The following DMAC2 variants were observed in gnomAD, a reference collection of about 807,000 sequenced individuals.
The protein encoded by DMAC2 is distal membrane-arm assembly complex protein 2.
A neutral mutation model predicts 29.6 loss-of-function variants in DMAC2; 32 were observed. The observed-to-expected ratio is 1.08, with a 90% confidence interval of 0.81 to 1.45. DMAC2 has a LOEUF of 1.45. DMAC2 is among the 40% of genes most tolerant of loss of function. The probability of loss-of-function intolerance (pLI) is 0.00; values close to 1 mark genes in which losing one functional copy is unlikely to be tolerated. For missense variants in DMAC2, 319 were observed against 340.0 expected, an observed-to-expected ratio of 0.94 and a Z score of 0.49; for synonymous variants, 133 against 137.4, an observed-to-expected ratio of 0.97 and a Z score of 0.23.
At chr19:41,434,603 G>C (rs141208984) in intron 3 of DMAC2, among the ~76,000 whole-genome samples, 3 of 152,136 alleles carry the variant, frequency 2.0e-5, no homozygotes, top group African/African-American at 7.2e-5. Context: ...TGGAGGGGTA[G>C]ATGAAGTCTA....
At chr19:41,436,848 G>C (rs561723058) in intron 2 of DMAC2, among the ~76,000 whole-genome samples, 42 of 152,288 alleles carry the variant, frequency 2.8e-4, no homozygotes, top group African/African-American at 1.0e-3. Flanking sequence ...CTGAGTTTGG[G>C]TGTTAATTGG....
Position 41,432,352 on chromosome 19 carries a change from G to A in DMAC2, c.653C>T (p.Thr218Ile), listed in dbSNP as rs138402902. The A allele has an allele frequency of 1.9e-4, 314 of 1,614,176 alleles. No homozygotes were observed. In the African/African-American group the frequency reaches 3.8e-3, roughly 19 times the overall value. Reference protein sequence around the residue: ...DLPAVSNPGLTQILVEEMLPN... With the variant: ...DLPAVSNPGLIQILVEEMLPN... ...CAGCATCTCCTCCACCAATATCTGA[G>A]TGAGGCCAGGGTTGGACACGGCAGG... The change falls in exon 6 of 6, where the codon ACT (threonine) becomes ATT (isoleucine). Residue 218 changes from threonine to isoleucine, a missense_variant. Transcript: ENST00000221943.
intron 5 of DMAC2, 92 bp from the exon 6 acceptor site, chr19:41,432,500 G>A: frequency 7.7e-7 from 1 of 1,293,090 alleles, no homozygotes; most frequent in Non-Finnish European, 1.1e-6. Flanking sequence ...GTGTGTGTGT[G>A]TGTATAGGCA....
At position 41,432,071 on chromosome 19, in the gene DMAC2, G is replaced by T. The variant is rs540396797; in HGVS notation, c.*160C>A. On this transcript the variant is annotated 3_prime_UTR_variant, in exon 6 of 6. Transcript: ENST00000221943. ...GTGACCTTTAGCCAAGGGCAGCCAGGAATAAATACTGGGAACTCACGCTCT... is the reference window on the plus strand; with the variant it reads ...GTGACCTTTAGCCAAGGGCAGCCAGTAATAAATACTGGGAACTCACGCTCT... 1.8e-5 allele frequency: 14 copies of T among 795,530 alleles called. No individual in the cohort carries two copies. In the African/African-American group the frequency reaches 2.4e-4, roughly 14 times the overall value. The allele number at this position is 795,530 out of a possible 1,614,324, so 49.3% of individuals were successfully genotyped here.
At chr19:41,438,114 G>A in intron 2 of DMAC2, 104 bp downstream of exon 2, 1 of 1,073,492 alleles carries the variant, frequency 9.3e-7, no homozygotes, top group East Asian at 2.4e-5. Context: ...GAGACATCAA[G>A]GCTGGCACTG....
Position 41,431,851 on chromosome 19 carries a change from T to C in DMAC2, c.*380A>G, listed in dbSNP as rs1305800032. 5 of 272,934 alleles carry C rather than the reference T, an allele frequency of 1.8e-5. No homozygotes were observed. Among genetic ancestry groups the C allele is most frequent in the Admixed American group, 4.9e-5 (1 of 20,266 alleles). 16.9% of individuals were successfully genotyped at this position (272,934 alleles called of 1,614,324 possible). On this transcript the variant is annotated 3_prime_UTR_variant, in exon 6 of 6. Coordinates refer to ENST00000221943, the MANE Select transcript of DMAC2 (RefSeq NM_018035.3). ...CCTGCACGGGGGAGAACCATCCCTG[T>C]AAAGTGTCAGTAGTAGCCCCTGTGT...
At position 41,433,690 on chromosome 19, in the gene DMAC2, G is replaced by C; in HGVS notation, c.297-17C>G. The C allele has an allele frequency of 6.2e-7, 1 of 1,614,100 alleles. No homozygotes were observed. Among genetic ancestry groups the C allele is most frequent in the Non-Finnish European group, 8.5e-7 (1 of 1,179,926 alleles). On this transcript the variant is annotated splice_polypyrimidine_tract_variant and intron_variant, in intron 3 of 5. Transcript: ENST00000221943. ...TCTCGAAACCTGGAAACGGGAAAGG[G>C]AGTGTCAGCAGGGCACCTGAACCTG...
intron 3 of DMAC2, among the ~76,000 whole-genome samples, chr19:41,434,984 C>A (rs1386935025): frequency 6.8e-6 from 1 of 147,812 alleles, no homozygotes; most frequent in East Asian, 2.0e-4. Flanking sequence ...CTAGCCTGGG[C>A]GACAAGAGCA....
chr19:41,436,558 C>T, intron 2 of DMAC2, 86 bp from the exon 3 acceptor site: 2 of 1,038,944 alleles, frequency 1.9e-6, no homozygotes, highest in Non-Finnish European at 1.5e-6. Flanking sequence ...GGGGCAGAGT[C>T]CAGAGAACCA....
At position 41,432,116 on chromosome 19, in the gene DMAC2, C is replaced by T; in HGVS notation, c.*115G>A. 1.6e-6 allele frequency: 2 copies of T among 1,232,002 alleles called. No homozygotes were observed. Among genetic ancestry groups the T allele is most frequent in the Non-Finnish European group, 2.3e-6 (2 of 874,066 alleles). The allele number at this position is 1,232,002 out of a possible 1,614,324, so 76.3% of individuals were successfully genotyped here. ...CGCTCTCTCCTGTGATTGGCCAGCA[C>T]CACTCCCCCACCCTGACGTTGAGTG... On this transcript the variant is annotated 3_prime_UTR_variant, in exon 6 of 6. Transcript: ENST00000221943.
In DMAC2 at chr19:41,438,360, G is replaced by T; in HGVS notation, c.73C>A (p.Leu25Met). Residue 25 changes from leucine (L) to methionine (M), a missense_variant, in exon 2 of 6, where the codon CTG becomes ATG. Physicochemically the swap from Leu to Met is conservative, Grantham distance 15. Transcript: ENST00000221943. ...WNGRIRGIHRLGAAVAPEGNQ... is the reference protein window; with the variant it reads ...WNGRIRGIHRMGAAVAPEGNQ... ...CCCTCTGGGGCCACTGCCGCACCCA[G>T]GCGATGGATGCCCCTGATACGCCCA... 1 of 1,614,228 alleles carries T rather than the reference G, an allele frequency of 6.2e-7. No individual in the cohort carries two copies. Among genetic ancestry groups the T allele is most frequent in the Non-Finnish European group, 8.5e-7 (1 of 1,180,046 alleles).
chr19:41,439,510 C>G (rs1379244939), intron 1 of DMAC2: 5 of 1,537,192 alleles, frequency 3.3e-6, no homozygotes, highest in Non-Finnish European at 4.4e-6. Context: ...AATCCCACAT[C>G]CTCGAACAAT....
At chr19:41,434,554 G>A (rs376067707) in intron 3 of DMAC2, among the ~76,000 whole-genome samples, 11 of 152,190 alleles carry the variant, frequency 7.2e-5, no homozygotes, top group Middle Eastern at 3.4e-3. Flanking sequence ...CATGTATACT[G>A]TTTCTAAGGA....
chr19:41,439,367 C>G (rs2040034556), intron 1 of DMAC2: 1 of 695,666 alleles, frequency 1.4e-6, no homozygotes, highest in Non-Finnish European at 2.4e-6. Context: ...CTTAATTTCA[C>G]CCAGATCATG....
intron 1 of DMAC2, chr19:41,439,488 C>T: frequency 6.5e-7 from 1 of 1,537,102 alleles, no homozygotes; most frequent in Non-Finnish European, 8.7e-7. Flanking sequence ...ATCCTTCGGT[C>T]TTCTAAGACC....
intron 3 of DMAC2, among the ~76,000 whole-genome samples, chr19:41,436,106 C>G (rs1245663475): frequency 6.6e-6 from 1 of 152,214 alleles, no homozygotes; most frequent in Non-Finnish European, 1.5e-5. Context: ...GAACTCCTGA[C>G]CTCAGGTGAT....
rs118187504 is a variant in DMAC2 at position 41,438,265 on chromosome 19, C to T, written c.168G>A (p.Arg56=). 2.1e-3 allele frequency: 3,421 copies of T among 1,614,238 alleles called. 14 individuals carry two copies. Among genetic ancestry groups the T allele is most frequent in the Middle Eastern group, 6.9e-3 (42 of 6,062 alleles). ...ACATCTCCCTTTGGAGCAAGTAATCCCTCAGAGCCTCCACATCGTAGAAAT... is the reference window on the plus strand; with the variant it reads ...ACATCTCCCTTTGGAGCAAGTAATCTCTCAGAGCCTCCACATCGTAGAAAT... The part of the protein sequence containing the change: ...TNYFYDVEAL[R]DYLLQREMYK... The change falls in exon 2 of 6, where the codon AGG becomes AGA. Residue 56 remains arginine (R), a synonymous_variant. Transcript: ENST00000221943.
intron 3 of DMAC2, among the ~76,000 whole-genome samples, chr19:41,434,347 G>A (rs2122224442): frequency 7.0e-6 from 1 of 143,430 alleles, no homozygotes; most frequent in South Asian, 2.2e-4. Flanking sequence ...GGTCGAGGCT[G>A]TAGTGAGTTG....
intron 1 of DMAC2, chr19:41,439,484 C>T (rs1555772323): frequency 6.5e-7 from 1 of 1,536,950 alleles, no homozygotes; most frequent in Non-Finnish European, 8.7e-7. Context: ...ATTCATCCTT[C>T]GGTCTTCTAA....
Sources: gnomAD v4.1 joint callset for allele counts (sites outside exome capture counted in the v4.1 genomes callset) on GRCh38, gnomAD v4.1.1 for gene constraint, MANE v1.5 for transcripts, NCBI Gene and HGNC (gene_info 2026-07-23, HGNC 2026-07-21) for gene names.